Variants in PDE3A observed in about 807,000 individuals in gnomAD.
PDE3A encodes the protein cGMP-inhibited 3',5'-cyclic phosphodiesterase 3A.
PDE3A carries 43 observed loss-of-function variants against 98.3 expected under a neutral mutation model. The observed-to-expected ratio is 0.44, with a 90% CI of 0.34 to 0.56. PDE3A has a LOEUF of 0.56. PDE3A is among the 20% of genes least tolerant of loss of function. The pLI is 0.01. For missense variants in PDE3A, 1,427 were observed against 1,440.7 expected (o/e 0.99, Z 0.15); for synonymous variants, 663 against 567.9 (o/e 1.17, Z -2.38).
At chr12:20,526,883 TCTG>T (rs1373856988) in intron 1 of PDE3A, among the ~76,000 whole-genome samples, 7 of 116,454 alleles carry the variant, frequency 6.0e-5, no homozygotes, top group Admixed American at 3.1e-4. Flanking sequence ...GACATTTTTT[TCTG>T]TGTGTGTGTG....
Position 20,633,707 on chromosome 12 carries a change from A to C in PDE3A, c.1775A>C (p.Tyr592Ser), listed in dbSNP as rs1182825628. ...ATATTTTTTAGCTGTGGCAGACCAT[A>C]TTCCCAAGGGAATCCTGCTGATGAG... ...PVICSSCGRP[Y>S]SQGNPADEPL... Residue 592 changes from tyrosine (Y) to serine (S), a missense_variant, in exon 7 of 16, where the codon TAT becomes TCT. Transcript: ENST00000359062. 1 of 1,609,260 alleles carries C rather than the reference A, an allele frequency of 6.2e-7. No individual in the cohort carries two copies. The highest frequency in any genetic ancestry group is 8.5e-7 in the Non-Finnish European group (1 of 1,177,368).
chr12:20,578,474 T>TACACACACACACAC (rs5796870), intron 2 of PDE3A, among the ~76,000 whole-genome samples: 1 of 148,462 alleles, frequency 6.7e-6, no homozygotes, highest in Non-Finnish European at 1.5e-5. Flanking sequence ...ATACAACTAA[T>TACACACACACACAC]ACACACACAC....
chr12:20,589,891 A>G (rs1490209253), intron 2 of PDE3A, among the ~76,000 whole-genome samples: 1 of 146,374 alleles, frequency 6.8e-6, no homozygotes, highest in Admixed American at 6.8e-5. Flanking sequence ...AAAAAAAAAG[A>G]AAAAAAATTA....
At chr12:20,481,586 A>G (rs1281831389) in intron 1 of PDE3A, among the ~76,000 whole-genome samples, 1 of 152,056 alleles carries the variant, frequency 6.6e-6, no homozygotes, top group Non-Finnish European at 1.5e-5. Flanking sequence ...AGAGTAACAC[A>G]ATGAAACAGC....
chr12:20,541,722 C>T (rs1565582925), intron 1 of PDE3A, among the ~76,000 whole-genome samples: 1 of 151,926 alleles, frequency 6.6e-6, no homozygotes, highest in East Asian at 1.9e-4. Context: ...TGCAATAAAA[C>T]TTTTTTCTGC....
At chr12:20,570,080 C>T (rs1383793868) in intron 2 of PDE3A, among the ~76,000 whole-genome samples, 2 of 151,988 alleles carry the variant, frequency 1.3e-5, no homozygotes, top group African/African-American at 4.8e-5. Flanking sequence ...TGAAAGAGAA[C>T]TTATGATGAA....
intron 2 of PDE3A, among the ~76,000 whole-genome samples, chr12:20,593,642 A>G (rs1390423004): frequency 2.6e-5 from 4 of 152,198 alleles, no homozygotes; most frequent in Admixed American, 2.6e-4. Flanking sequence ...ATACAAATAA[A>G]ACCTAAGAGT....
At chr12:20,538,372 A>G (rs1401518286) in intron 1 of PDE3A, among the ~76,000 whole-genome samples, 2 of 152,248 alleles carry the variant, frequency 1.3e-5, no homozygotes, top group South Asian at 2.1e-4. Flanking sequence ...GAAGGCAGAA[A>G]GGCAAAAGAG....
chr12:20,420,635 T>C (rs559817126), intron 1 of PDE3A, among the ~76,000 whole-genome samples: 2 of 151,954 alleles, frequency 1.3e-5, no homozygotes, highest in African/African-American at 4.8e-5. Flanking sequence ...GGTTACATGA[T>C]TTTTTTTCAA....
chr12:20,482,150 C>T (rs565713619), intron 1 of PDE3A, among the ~76,000 whole-genome samples: 51 of 151,894 alleles, frequency 3.4e-4, no homozygotes, highest in Admixed American at 1.1e-3. Flanking sequence ...GTTGTTTTGA[C>T]TCGTGTGATT....
At chr12:20,588,098 A>T (rs1056883141) in intron 2 of PDE3A, among the ~76,000 whole-genome samples, 3 of 152,156 alleles carry the variant, frequency 2.0e-5, no homozygotes, top group African/African-American at 7.2e-5. Flanking sequence ...GGGGAGAGCA[A>T]AATTGGAGGT....
At chr12:20,449,972 G>C in intron 1 of PDE3A, 1 of 717,780 alleles carries the variant, frequency 1.4e-6, no homozygotes, top group Non-Finnish European at 2.4e-6. Flanking sequence ...GGGTTGTCAG[G>C]AACAATAAGC....
At chr12:20,402,315 A>G (rs780156282) in intron 1 of PDE3A, among the ~76,000 whole-genome samples, 12 of 151,868 alleles carry the variant, frequency 7.9e-5, no homozygotes, top group Non-Finnish European at 1.6e-4. Context: ...CGCCCTGCTA[A>G]TTTTTGTATT....
Position 20,392,975 on chromosome 12 carries a change from GAA to G in PDE3A, c.960+22732_960+22733del, listed in dbSNP as rs1943946155. On this transcript the variant is annotated intron_variant, in intron 1 of 15. Transcript: ENST00000359062. ...TGGTGATTGCCAGAGGCTGGGAAGG[GAA>G]GAGGGGAGGAAGGAATGAAGACATT... 1.3e-5 allele frequency among the ~76,000 whole-genome samples: 2 copies of G among 151,918 alleles called. 1 individual carries two copies. The highest frequency in any genetic ancestry group is 1.3e-4 in the Admixed American group (2 of 15,208).
intron 1 of PDE3A, among the ~76,000 whole-genome samples, chr12:20,400,105 G>A (rs1481467096): frequency 6.6e-6 from 1 of 152,032 alleles, no homozygotes; most frequent in East Asian, 1.9e-4. Flanking sequence ...ACACTAATCC[G>A]TTTTCTGTCC....
At chr12:20,659,029 C>G (rs1017129890) in intron 15 of PDE3A, among the ~76,000 whole-genome samples, 2 of 152,132 alleles carry the variant, frequency 1.3e-5, no homozygotes, top group Non-Finnish European at 2.9e-5. Context: ...TCTTGGCACT[C>G]TCTCTTACAG....
intron 1 of PDE3A, among the ~76,000 whole-genome samples, chr12:20,539,067 A>T (rs1236804685): frequency 6.6e-6 from 1 of 152,096 alleles, no homozygotes; most frequent in Non-Finnish European, 1.5e-5. Flanking sequence ...GGTTTCTGCT[A>T]TCCTGAAACT....
rs150658678 is a variant in PDE3A, at chr12:20,468,140, T to C, written c.961-88520T>C. Reference sequence around the variant, plus strand: ...GCAACATTGTTCTATTAGGATTGATTTTGATACATAAATTCATTATGACAT... The same window carrying C: ...GCAACATTGTTCTATTAGGATTGATCTTGATACATAAATTCATTATGACAT... On this transcript the variant is annotated intron_variant, in intron 1 of 15. Transcript: ENST00000359062. 4.1e-4 allele frequency among the ~76,000 whole-genome samples: 62 copies of C among 152,212 alleles called. No homozygotes were observed. In the East Asian group the frequency reaches 0.011, roughly 27 times the overall value.
intron 4 of PDE3A, among the ~76,000 whole-genome samples, chr12:20,619,837 GA>G (rs1944091205): frequency 6.6e-6 from 1 of 151,892 alleles, no homozygotes; most frequent in Non-Finnish European, 1.5e-5. Flanking sequence ...GTCAGTAGTT[GA>G]AGAAAAATCT....
Sources: gnomAD v4.1 joint callset for allele counts (sites outside exome capture counted in the v4.1 genomes callset) on GRCh38, gnomAD v4.1.1 for gene constraint, MANE v1.5 for transcripts, NCBI Gene and HGNC (gene_info 2026-07-23, HGNC 2026-07-21) for gene names.